LOC128462377: variants seen among roughly 807,000 people sequenced by gnomAD.
At chr16:89,402,499 G>A in the LOC128462377 span, among the ~76,000 whole-genome samples, 1 of 151,976 alleles carries the variant, frequency 6.6e-6, no homozygotes, top group Non-Finnish European at 1.5e-5. Flanking sequence ...GGGAATGACA[G>A]GGAGACCCCG....
the LOC128462377 span, among the ~76,000 whole-genome samples, chr16:89,366,081 A>C: frequency 2.0e-5 from 3 of 149,908 alleles, no homozygotes; most frequent in Admixed American, 6.7e-5. Flanking sequence ...AGTGAGCTAA[A>C]ATGGCGCCAC....
At chr16:89,375,190 T>C in the LOC128462377 span, among the ~76,000 whole-genome samples, 2 of 152,038 alleles carry the variant, frequency 1.3e-5, no homozygotes, top group Admixed American at 1.3e-4. Context: ...GCTACCGCGG[T>C]GAGCTCAAGT....
chr16:89,340,706 A>G, the LOC128462377 span, among the ~76,000 whole-genome samples: 1 of 152,250 alleles, frequency 6.6e-6, no homozygotes, highest in Non-Finnish European at 1.5e-5. Context: ...ATTTAAATAA[A>G]AACTATAAAC....
chr16:89,410,372 G>C, the LOC128462377 span, among the ~76,000 whole-genome samples: 1 of 152,290 alleles, frequency 6.6e-6, no homozygotes, highest in South Asian at 2.1e-4. Flanking sequence ...TTTAAACAAA[G>C]GCTGACTGTA....
At chr16:89,321,465 G>A in the LOC128462377 span, among the ~76,000 whole-genome samples, 8 of 142,430 alleles carry the variant, frequency 5.6e-5, no homozygotes, top group Admixed American at 4.7e-4. Context: ...GCTGCGGGGC[G>A]GGGACTGTGG....
chr16:89,406,555 G>A, the LOC128462377 span, among the ~76,000 whole-genome samples: 3 of 152,200 alleles, frequency 2.0e-5, no homozygotes, highest in East Asian at 5.8e-4. Context: ...AGGCTGCAGC[G>A]AGGAAGACAG....
the LOC128462377 span, among the ~76,000 whole-genome samples, chr16:89,333,017 C>T: frequency 6.6e-6 from 1 of 152,192 alleles, no homozygotes; most frequent in Non-Finnish European, 1.5e-5. Context: ...GAATTTCACA[C>T]GTGGTCCCCC....
At chr16:89,329,672 C>T in the LOC128462377 span, among the ~76,000 whole-genome samples, 9 of 152,172 alleles carry the variant, frequency 5.9e-5, no homozygotes, top group African/African-American at 1.9e-4. Context: ...TTTCATAAAC[C>T]TTGTTTTGTG....
the LOC128462377 span, chr16:89,323,916 G>T: frequency 4.7e-6 from 1 of 214,758 alleles, no homozygotes; most frequent in Non-Finnish European, 9.4e-6. Context: ...ACCACACATC[G>T]CGAGGTAGAA....
chr16:89,394,641 A>C, the LOC128462377 span, among the ~76,000 whole-genome samples: 1 of 151,930 alleles, frequency 6.6e-6, no homozygotes, highest in African/African-American at 2.4e-5. Flanking sequence ...AAAAAAAAAA[A>C]ACAAACAACC....
the LOC128462377 span, among the ~76,000 whole-genome samples, chr16:89,363,850 G>T: frequency 3.9e-5 from 6 of 152,106 alleles, no homozygotes; most frequent in South Asian, 1.2e-3. Flanking sequence ...GAGGCAAAAA[G>T]TTCGAGACCA....
chr16:89,374,509 G>C, the LOC128462377 span, among the ~76,000 whole-genome samples: 2 of 152,202 alleles, frequency 1.3e-5, no homozygotes, highest in Non-Finnish European at 2.9e-5. Context: ...CCTGCTCTGT[G>C]AGAGAATTCA....
At chr16:89,357,372 G>C in the LOC128462377 span, among the ~76,000 whole-genome samples, 1 of 152,206 alleles carries the variant, frequency 6.6e-6, no homozygotes, top group Non-Finnish European at 1.5e-5. Context: ...GGGAACCAGG[G>C]GGCAGGTGAG....
At chr16:89,346,490 G>A in the LOC128462377 span, among the ~76,000 whole-genome samples, 1 of 152,136 alleles carries the variant, frequency 6.6e-6, no homozygotes, top group East Asian at 1.9e-4. Flanking sequence ...GGGAACAACA[G>A]TCATCCAAAC....
At chr16:89,384,879 C>CTTTTTTTTT in the LOC128462377 span, among the ~76,000 whole-genome samples, 159 of 49,936 alleles carry the variant, frequency 3.2e-3, 18 homozygotes, top group Middle Eastern at 0.019. Context: ...AAATAGTTTT[C>CTTTTTTTTT]TTTTTTTTTT....
At chr16:89,415,193 A>G in the LOC128462377 span, among the ~76,000 whole-genome samples, 9 of 149,632 alleles carry the variant, frequency 6.0e-5, no homozygotes, top group African/African-American at 2.2e-4. Flanking sequence ...AGCTCAAGTG[A>G]TCTACCCACC....
chr16:89,329,326 G>T, the LOC128462377 span, among the ~76,000 whole-genome samples: 115 of 152,324 alleles, frequency 7.5e-4, no homozygotes, highest in African/African-American at 2.7e-3. Context: ...CTGGGCGAAG[G>T]TGGGGAAGGG....
At chr16:89,325,465 T>TCACACACACA in the LOC128462377 span, among the ~76,000 whole-genome samples, 15 of 139,444 alleles carry the variant, frequency 1.1e-4, no homozygotes, top group African/African-American at 4.4e-4. Flanking sequence ...TCTCTCTCTC[T>TCACACACACA]CTCTCACACA....
the LOC128462377 span, among the ~76,000 whole-genome samples, chr16:89,317,938 C>T: frequency 2.6e-5 from 4 of 152,106 alleles, no homozygotes; most frequent in Non-Finnish European, 2.9e-5. Context: ...CTGAAACCAG[C>T]GCAGAGCCAG....
Sources: allele counts gnomAD v4.1 joint callset (sites outside exome capture counted in the v4.1 genomes callset), GRCh38; gene constraint gnomAD v4.1.1; transcripts MANE v1.5.